Variants in ANKUB1 observed in about 807,000 individuals in gnomAD.
ANKUB1 encodes the protein protein ANKUB1.
In ANKUB1, 42 loss-of-function variants were observed where a neutral mutation model predicts 49.3. That is an observed-to-expected ratio of 0.85 (90% CI 0.67 to 1.10). The LOEUF is 1.10. Among genes scored for constraint, ANKUB1 ranks in the 50% least tolerant of loss-of-function variants. The probability of loss-of-function intolerance (pLI) is 0.00; values close to 1 mark genes in which losing one functional copy is unlikely to be tolerated. For missense variants in ANKUB1, 613 were observed against 642.0 expected (o/e 0.95, Z 0.49); for synonymous variants, 222 against 231.0 (o/e 0.96, Z 0.35).
At chr3:149,776,240 A>G (rs896423975) in intron 3 of ANKUB1, among the ~76,000 whole-genome samples, 1 of 152,138 alleles carries the variant, frequency 6.6e-6, no homozygotes, top group Non-Finnish European at 1.5e-5. Flanking sequence ...TTACAATACA[A>G]AGTTCCAGTT....
At chr3:149,776,751 A>G (rs1317215211) in intron 3 of ANKUB1, among the ~76,000 whole-genome samples, 5 of 151,650 alleles carry the variant, frequency 3.3e-5, no homozygotes, top group African/African-American at 1.2e-4. Flanking sequence ...ACTTGAGGTC[A>G]GGAGTTTGAG....
chr3:149,788,018 C>T (rs9843236), intron 2 of ANKUB1, among the ~76,000 whole-genome samples: 99,401 of 152,124 alleles, frequency 0.65, 33,592 homozygotes, highest in East Asian at 0.9. Context: ...AAGAGACACA[C>T]TTCAGGGATT....
At chr3:149,786,047 A>T (rs924572624) in intron 2 of ANKUB1, among the ~76,000 whole-genome samples, 16 of 151,722 alleles carry the variant, frequency 1.1e-4, no homozygotes, top group Admixed American at 4.6e-4. Flanking sequence ...TTATTTATTT[A>T]TTTTTTGAGA....
At position 149,767,546 on chromosome 3, in the gene ANKUB1, G is replaced by A. The variant is rs1717097011; in HGVS notation, c.1116C>T (p.Ser372=). 2 of 1,551,562 alleles carry A rather than the reference G, an allele frequency of 1.3e-6. No homozygotes were observed. The highest frequency in any genetic ancestry group is 2.7e-5 in the African/African-American group (2 of 73,038). ...TGAGAGATGGTAGCTTGAGCACGAT[G>A]CTTTGTGAGTCGCTGTTCCCAGCCT... ...WHKAGNSDSQ[S]IVLKLPSLSK... The change falls in exon 5 of 6, where the codon AGC becomes AGT. Residue 372 remains serine, a synonymous_variant. Coordinates refer to ENST00000446160, the MANE Select transcript of ANKUB1 (RefSeq NM_001144960.3).
Position 149,792,420 on chromosome 3 carries a change from G to A in ANKUB1, c.-54C>T. The A allele has an allele frequency of 1.0e-5, 14 of 1,356,064 alleles. No homozygotes were observed. Among genetic ancestry groups the A allele is most frequent in the Non-Finnish European group, 1.3e-5 (13 of 1,019,814 alleles). The allele number at this position is 1,356,064 out of a possible 1,614,324, so 84.0% of individuals were successfully genotyped here. A position where few individuals can be genotyped will look rare whatever the true frequency, so the allele number is the denominator to read the frequency against. On this transcript the variant is annotated 5_prime_UTR_variant, in exon 1 of 6. Transcript: ENST00000446160. ...ATCCAACTTTTTCAAAGATTCTCCTGGATGGCTAGAAAAATTCCGGTTCAC... is the reference window on the plus strand; with the variant it reads ...ATCCAACTTTTTCAAAGATTCTCCTAGATGGCTAGAAAAATTCCGGTTCAC...
intron 3 of ANKUB1, among the ~76,000 whole-genome samples, chr3:149,777,386 C>G (rs1406957569): frequency 6.6e-6 from 1 of 152,130 alleles, no homozygotes; most frequent in East Asian, 1.9e-4. Flanking sequence ...GCAGGGGAAT[C>G]GCTTGAACCT....
intron 2 of ANKUB1, chr3:149,783,326 G>A (rs1717950624): frequency 6.6e-6 from 1 of 152,178 alleles, no homozygotes. Context: ...AACGAAGTCA[G>A]ACGCTATTAA....
At chr3:149,768,489 A>G (rs1034867580) in intron 4 of ANKUB1, among the ~76,000 whole-genome samples, 28 of 152,158 alleles carry the variant, frequency 1.8e-4, no homozygotes, top group African/African-American at 6.3e-4. Context: ...AATTGTTACA[A>G]TTCAATACCC....
At chr3:149,784,144 A>G (rs1220377553) in intron 2 of ANKUB1, among the ~76,000 whole-genome samples, 1 of 152,206 alleles carries the variant, frequency 6.6e-6, no homozygotes, top group Non-Finnish European at 1.5e-5. Context: ...TACTACAGTT[A>G]ACTCAATCTC....
At chr3:149,763,257 T>C (rs1333707370) in intron 5 of ANKUB1, among the ~76,000 whole-genome samples, 1 of 152,200 alleles carries the variant, frequency 6.6e-6, no homozygotes, top group African/African-American at 2.4e-5. Flanking sequence ...CCACCAGACT[T>C]AGTTTGAAGT....
At chr3:149,769,507 G>C (rs1348519106) in intron 4 of ANKUB1, among the ~76,000 whole-genome samples, 1 of 152,168 alleles carries the variant, frequency 6.6e-6, no homozygotes, top group Non-Finnish European at 1.5e-5. Context: ...ATAGAGTTAC[G>C]TCTTGATAAA....
chr3:149,768,174 G>T, intron 4 of ANKUB1, 79 bp from the exon 5 acceptor site: 2 of 994,526 alleles, frequency 2.0e-6, no homozygotes, highest in Non-Finnish European at 2.8e-6. Context: ...AAATGCTCAT[G>T]AAATATTCTA....
Position 149,780,277 on chromosome 3 carries a change from T to C in ANKUB1, c.413A>G (p.Tyr138Cys). 6.4e-7 allele frequency: 1 copy of C among 1,551,698 alleles called. No individual in the cohort carries two copies. Among genetic ancestry groups the C allele is most frequent in the Non-Finnish European group, 8.7e-7 (1 of 1,146,984 alleles). The stretch of plus-strand genomic sequence containing the variant: ...GTAGTCCTTGAGGGTGTTGCAATCA[T>C]ACATCTCCAGGCCCCTTGGGGTTCG... ...CLRTPRGLEM[Y>C]DCNTLKDYQT... The change falls in exon 3 of 6, where the codon TAT becomes TGT. Residue 138 changes from tyrosine to cysteine, a missense_variant. Tyr to Cys is a radical substitution (Grantham distance 194). Coordinates refer to ENST00000446160, the MANE Select transcript of ANKUB1 (RefSeq NM_001144960.3).
intron 3 of ANKUB1, among the ~76,000 whole-genome samples, chr3:149,775,175 AT>A (rs1470564606): frequency 1.3e-5 from 2 of 152,180 alleles, no homozygotes; most frequent in Non-Finnish European, 2.9e-5. Context: ...ACCTTGCCAC[AT>A]GTGGCCCCTG....
intron 3 of ANKUB1, chr3:149,779,048 A>G (rs919579766): frequency 9.2e-5 from 14 of 152,194 alleles, no homozygotes; most frequent in African/African-American, 3.4e-4. Context: ...TGTCATCGTC[A>G]GGTAGGGGCC....
At position 149,780,392 on chromosome 3, in the gene ANKUB1, C is replaced by G; in HGVS notation, c.298G>C (p.Glu100Gln). 15 of 1,552,200 alleles carry G rather than the reference C, an allele frequency of 9.7e-6. No homozygotes were observed. The highest frequency in any genetic ancestry group is 1.3e-5 in the Non-Finnish European group (15 of 1,147,090). Residue 100 changes from glutamate to glutamine, a missense_variant, in exon 3 of 6, where the codon GAG becomes CAG. Transcript: ENST00000446160. ...AVTQDTMPVM[E>Q]SISLLDKTVS... ...GTTTTATCAAGAAGGGAAATGCTCT[C>G]CATTACTGGCATTGTGTCTTGAGTT...
intron 5 of ANKUB1, among the ~76,000 whole-genome samples, chr3:149,761,914 A>G (rs537626194): frequency 8.0e-4 from 122 of 152,182 alleles, no homozygotes; most frequent in Non-Finnish European, 1.5e-3. Flanking sequence ...AGATATTCCT[A>G]TACATCACAT....
At chr3:149,772,083 G>A (rs551318698) in intron 3 of ANKUB1, among the ~76,000 whole-genome samples, 20 of 148,786 alleles carry the variant, frequency 1.3e-4, no homozygotes, top group Non-Finnish European at 2.7e-4. Context: ...GGGGTGCAGT[G>A]GCACAATCTT....
At chr3:149,774,220 C>G (rs911170948) in intron 3 of ANKUB1, among the ~76,000 whole-genome samples, 2 of 152,166 alleles carry the variant, frequency 1.3e-5, no homozygotes, top group African/African-American at 4.8e-5. Context: ...GGTTAGATTT[C>G]TGTCACGTTG....
Sources: gnomAD v4.1 joint callset for allele counts (sites outside exome capture counted in the v4.1 genomes callset) on GRCh38, gnomAD v4.1.1 for gene constraint, MANE v1.5 for transcripts, NCBI Gene and HGNC (gene_info 2026-07-23, HGNC 2026-07-21) for gene names.